The following PPP2R1A variants were observed in gnomAD, a reference collection of about 807,000 sequenced individuals.
PPP2R1A encodes serine/threonine-protein phosphatase 2A 65 kDa regulatory subunit A alpha isoform.
In PPP2R1A, 15 loss-of-function variants were observed where a neutral mutation model predicts 67.1. The ratio of observed to expected loss-of-function variants is 0.22; its 90% CI spans 0.15 to 0.34. The LOEUF (loss-of-function observed/expected upper bound fraction) is 0.34, where lower values mean the gene tolerates loss of function less well. PPP2R1A is among the 10% of genes least tolerant of loss of function. The pLI, the probability that PPP2R1A is intolerant of heterozygous loss-of-function variation, is 1.00. For synonymous variants in PPP2R1A, 337 were observed against 325.0 expected (o/e 1.04, Z -0.40); for missense variants, 369 against 775.0 (o/e 0.48, Z 6.22).
chr19:52,190,418 G>C (rs771202355), intron 1 of PPP2R1A: 1 of 569,400 alleles, frequency 1.8e-6, no homozygotes, highest in Non-Finnish European at 3.2e-6. Context: ...CTGTGCGCGC[G>C]GCGGTCCGCG....
Position 52,226,117 on chromosome 19 carries a change from C to T in PPP2R1A, c.*136C>T, listed in dbSNP as rs41275804. On this transcript the variant is annotated 3_prime_UTR_variant, in exon 15 of 15. Transcript: ENST00000322088. ...TGACCCCAGGCCCCTTCCCCCAGCA[C>T]GGTTCCTCCTCTCCCCAGCCTGGGA... The T allele has an allele frequency of 3.2e-3, 4,207 of 1,335,340 alleles. 12 individuals carry two copies. The highest frequency in any genetic ancestry group is 4.0e-3 in the Admixed American group (209 of 52,130). 82.7% of individuals were successfully genotyped at this position (1,335,340 alleles called of 1,614,324 possible). A position where few individuals can be genotyped will look rare whatever the true frequency, so the allele number is the denominator to read the frequency against.
chr19:52,206,145 G>A (rs187514882), intron 3 of PPP2R1A, 82 bp downstream of exon 3: 60 of 1,252,370 alleles, frequency 4.8e-5, no homozygotes, highest in Middle Eastern at 4.7e-4. Context: ...GGAGGGGAGC[G>A]TGTCAGAGAG....
At chr19:52,220,946 A>G in intron 11 of PPP2R1A, 33 bp from the exon 12 acceptor site, 9 of 1,611,988 alleles carry the variant, frequency 5.6e-6, no homozygotes, top group Non-Finnish European at 7.6e-6. Context: ...TCACCTCCAA[A>G]TCCCTGTCTC....
intron 1 of PPP2R1A, chr19:52,190,896 C>T (rs1388320739): frequency 6.6e-6 from 1 of 152,418 alleles, no homozygotes; most frequent in African/African-American, 2.4e-5. Context: ...CTGTGTCGCC[C>T]AGGCTGGGGC....
At chr19:52,217,560 T>A (rs1024031252) in intron 9 of PPP2R1A, among the ~76,000 whole-genome samples, 12 of 152,140 alleles carry the variant, frequency 7.9e-5, no homozygotes, top group Admixed American at 6.5e-4. Context: ...AGACAGGCAG[T>A]CCCATGATGC....
intron 1 of PPP2R1A, chr19:52,190,409 T>G (rs1364079926): frequency 1.7e-6 from 1 of 575,998 alleles, no homozygotes; most frequent in Non-Finnish European, 3.1e-6. Flanking sequence ...GGGCCTGCCC[T>G]GTGCGCGCGG....
intron 1 of PPP2R1A, among the ~76,000 whole-genome samples, chr19:52,196,772 T>C (rs918178771): frequency 6.6e-6 from 1 of 152,188 alleles, no homozygotes; most frequent in Admixed American, 6.5e-5. Context: ...CATTATGCGC[T>C]GGTTGTATCC....
At chr19:52,198,057 TA>T (rs1373254650) in intron 1 of PPP2R1A, among the ~76,000 whole-genome samples, 1 of 152,218 alleles carries the variant, frequency 6.6e-6, no homozygotes, top group African/African-American at 2.4e-5. Context: ...CTGCCATTAT[TA>T]ATCTTCCCCT....
In PPP2R1A at chr19:52,225,729, T is replaced by C; in HGVS notation, c.1674T>C (p.Ser558=). 1 of 1,613,954 alleles carries C rather than the reference T, an allele frequency of 6.2e-7. No individual in the cohort carries two copies. Among genetic ancestry groups the C allele is most frequent in the South Asian group, 1.1e-5 (1 of 91,066 alleles). The change falls in exon 14 of 15, where the codon AGT becomes AGC. Residue 558 remains serine (S), a synonymous_variant. Transcript: ENST00000322088. The part of the protein sequence containing the change: ...GPILDNSTLQ[S]EVKPILEKLT... ...TTTCGCTTTCCAGCACCTTGCAGAG[T>C]GAAGTCAAGCCCATCCTAGAGAAGC... is the stretch of plus-strand genomic sequence containing the variant.
chr19:52,204,071 G>A (rs948715685), intron 2 of PPP2R1A, among the ~76,000 whole-genome samples: 5 of 152,152 alleles, frequency 3.3e-5, no homozygotes, highest in South Asian at 2.1e-4. Context: ...ATGGCAGAGG[G>A]TCCTGAGTGG....
Position 52,211,585 on chromosome 19 carries a change from A to G in PPP2R1A, c.503+93A>G, listed in dbSNP as rs1600167315. ...CTCCTTTTGGTCTAGCTGGGGCCCA[A>G]ATGCCCCTGAACTCTCTCCACTCCC... On this transcript the variant is annotated intron_variant, in intron 4 of 14. Transcript: ENST00000322088. The surrounding 1 kb of genome is among the most constrained non-coding windows in gnomAD (Gnocchi z 5.3). The G allele has an allele frequency of 2.3e-6, 3 of 1,306,414 alleles. No homozygotes were observed. The highest frequency in any genetic ancestry group is 2.4e-5 in the East Asian group (1 of 42,102). 80.9% of individuals were successfully genotyped at this position (1,306,414 alleles called of 1,614,324 possible). A position where few individuals can be genotyped will look rare whatever the true frequency, so the allele number is the denominator to read the frequency against.
intron 6 of PPP2R1A, among the ~76,000 whole-genome samples, chr19:52,215,055 A>G (rs908014787): frequency 6.6e-6 from 1 of 151,550 alleles, no homozygotes; most frequent in African/African-American, 2.4e-5. Context: ...GTCAATCTTT[A>G]TTGTTTTATT....
At chr19:52,198,366 C>CAT (rs2089515370) in intron 1 of PPP2R1A, among the ~76,000 whole-genome samples, 1 of 152,180 alleles carries the variant, frequency 6.6e-6, no homozygotes, top group Non-Finnish European at 1.5e-5. Flanking sequence ...GAAGGGAGCT[C>CAT]TCTGGATGGG....
intron 1 of PPP2R1A, 95 bp downstream of exon 1, chr19:52,190,269 G>C: frequency 7.3e-7 from 1 of 1,376,456 alleles, no homozygotes; most frequent in African/African-American, 1.4e-5. Flanking sequence ...GCTGGGAGTG[G>C]CGGAAGGGGG....
chr19:52,223,896 G>A (rs553728309), intron 13 of PPP2R1A, among the ~76,000 whole-genome samples: 1 of 152,274 alleles, frequency 6.6e-6, no homozygotes, highest in East Asian at 1.9e-4. Flanking sequence ...AATGAGTGCT[G>A]TTTCTGTCAG....
At chr19:52,209,708 A>G (rs2089645945) in intron 3 of PPP2R1A, among the ~76,000 whole-genome samples, 1 of 152,016 alleles carries the variant, frequency 6.6e-6, no homozygotes, top group African/African-American at 2.4e-5. Flanking sequence ...CAGCCACCGT[A>G]GGAGTTTGAC....
chr19:52,194,888 C>T (rs1047676897), intron 1 of PPP2R1A, among the ~76,000 whole-genome samples: 4 of 152,086 alleles, frequency 2.6e-5, no homozygotes, highest in Non-Finnish European at 5.9e-5. Context: ...TCTGGGGAAC[C>T]GTGTGGGACC....
intron 1 of PPP2R1A, among the ~76,000 whole-genome samples, chr19:52,197,211 C>T (rs560228906): frequency 2.9e-4 from 44 of 152,264 alleles, no homozygotes; most frequent in Non-Finnish European, 6.0e-4. Context: ...TCATAGGTAG[C>T]GTTAGCAAAA....
rs539257298 is a variant in PPP2R1A at position 52,225,172 on chromosome 19, C to T, written c.1662-545C>T. Reference sequence around the variant, plus strand: ...AGCTGGGATCACAGGCGTGCACCACCACGCCCTGCTAATTTTGTGTTTTTA... The same window carrying T: ...AGCTGGGATCACAGGCGTGCACCACTACGCCCTGCTAATTTTGTGTTTTTA... On this transcript the variant is annotated intron_variant, in intron 13 of 14. Coordinates refer to ENST00000322088, the MANE Select transcript of PPP2R1A (RefSeq NM_014225.6). 5.3e-5 allele frequency among the ~76,000 whole-genome samples: 8 copies of T among 152,006 alleles called. No individual in the cohort carries two copies. In the East Asian group the frequency reaches 1.6e-3, roughly 29 times the overall value.
Sources: gnomAD v4.1 joint callset for allele counts (sites outside exome capture counted in the v4.1 genomes callset) on GRCh38, gnomAD v4.1.1 for gene constraint, Gnocchi (gnomAD v3.1) non-coding constraint, MANE v1.5 for transcripts, NCBI Gene and HGNC (gene_info 2026-07-23, HGNC 2026-07-21) for gene names.